The following TENM3 variants were observed in gnomAD, a reference collection of about 807,000 sequenced individuals.
TENM3 encodes teneurin-3.
TENM3 carries 63 observed loss-of-function variants against 255.1 expected under a neutral mutation model. That is an observed-to-expected ratio of 0.25 (90% CI 0.20 to 0.30). The LOEUF (loss-of-function observed/expected upper bound fraction) is 0.30, where lower values mean the gene tolerates loss of function less well. Among genes scored for constraint, TENM3 ranks in the 10% least tolerant of loss-of-function variants. TENM3 has a pLI of 1.00. For missense variants in TENM3, 2,929 were observed against 3,461.1 expected (o/e 0.85, Z 3.86); for synonymous variants, 1,306 against 1,322.3 (o/e 0.99, Z 0.27).
the TENM3 span, among the ~76,000 whole-genome samples, chr4:181,521,592 T>C: frequency 1.3e-5 from 2 of 152,214 alleles, no homozygotes; most frequent in African/African-American, 4.8e-5. Context: ...AAGATTATAT[T>C]GTGTACAACA....
the TENM3 span, among the ~76,000 whole-genome samples, chr4:181,860,148 A>C: frequency 6.6e-6 from 1 of 152,218 alleles, no homozygotes; most frequent in Non-Finnish European, 1.5e-5. Context: ...GGCATGGTAC[A>C]CACTCTATAA....
chr4:182,082,622 G>C, the TENM3 span, among the ~76,000 whole-genome samples: 2,568 of 152,244 alleles, frequency 0.017, 90 homozygotes, highest in African/African-American at 0.058. Context: ...TCTTGCTTTT[G>C]ACCTCAGCTG....
the TENM3 span, among the ~76,000 whole-genome samples, chr4:181,808,457 G>A: frequency 1.3e-5 from 2 of 152,172 alleles, no homozygotes; most frequent in Admixed American, 6.5e-5. Flanking sequence ...TCTAGTAGAA[G>A]CATTCAGGTT....
the TENM3 span, among the ~76,000 whole-genome samples, chr4:181,879,589 C>T: frequency 6.6e-6 from 1 of 152,302 alleles, no homozygotes; most frequent in African/African-American, 2.4e-5. Flanking sequence ...TCTACAGTAA[C>T]ATTTAAATTT....
chr4:181,507,650 T>G, the TENM3 span, among the ~76,000 whole-genome samples: 1 of 152,350 alleles, frequency 6.6e-6, no homozygotes, highest in African/African-American at 2.4e-5. Flanking sequence ...TTCTCACATG[T>G]TGCTTAACAG....
the TENM3 span, among the ~76,000 whole-genome samples, chr4:181,579,006 G>A: frequency 6.6e-6 from 1 of 152,088 alleles, no homozygotes; most frequent in African/African-American, 2.4e-5. Context: ...TCCTGTCAGT[G>A]TGAGACAGCG....
At chr4:182,601,223 A>G in intron 4 of TENM3, 62 bp downstream of exon 4, 4 of 1,292,886 alleles carry the variant, frequency 3.1e-6, no homozygotes, top group Non-Finnish European at 4.5e-6. Flanking sequence ...GCAATTTACT[A>G]TACTTACATA....
chr4:181,927,794 G>A, the TENM3 span, among the ~76,000 whole-genome samples: 2 of 152,296 alleles, frequency 1.3e-5, no homozygotes, highest in East Asian at 3.9e-4. Context: ...CATCTGGCAG[G>A]TGTCCCTCTG....
the TENM3 span, among the ~76,000 whole-genome samples, chr4:181,600,855 CAA>C: frequency 2.0e-5 from 3 of 150,784 alleles, no homozygotes; most frequent in African/African-American, 7.3e-5. Flanking sequence ...AAAAAAAAAA[CAA>C]AGCTTGACTT....
At chr4:181,860,840 G>A in the TENM3 span, among the ~76,000 whole-genome samples, 1 of 152,142 alleles carries the variant, frequency 6.6e-6, no homozygotes, top group African/African-American at 2.4e-5. Context: ...TTGGGCTGCA[G>A]ATCACATTAT....
At chr4:182,657,835 A>G (rs983840779) in intron 6 of TENM3, among the ~76,000 whole-genome samples, 2 of 151,868 alleles carry the variant, frequency 1.3e-5, no homozygotes, top group East Asian at 3.9e-4. Context: ...ATTTTTGTAT[A>G]TTTTGTAGAC....
At chr4:181,843,212 TTC>T in the TENM3 span, among the ~76,000 whole-genome samples, 1 of 152,204 alleles carries the variant, frequency 6.6e-6, no homozygotes, top group Non-Finnish European at 1.5e-5. Flanking sequence ...TCAAACTATA[TTC>T]TCTTTTGAAA....
intron 3 of TENM3, among the ~76,000 whole-genome samples, chr4:182,548,149 C>T (rs1326050235): frequency 6.6e-6 from 1 of 152,044 alleles, no homozygotes; most frequent in Non-Finnish European, 1.5e-5. Context: ...CCTGTGAGCC[C>T]AGGAGGTGGA....
At chr4:181,523,533 A>G in the TENM3 span, among the ~76,000 whole-genome samples, 4 of 152,140 alleles carry the variant, frequency 2.6e-5, no homozygotes, top group Non-Finnish European at 5.9e-5. Flanking sequence ...TTCCGTTGTC[A>G]AGGCTATCTC....
chr4:182,071,079 G>T, the TENM3 span, among the ~76,000 whole-genome samples: 1 of 144,794 alleles, frequency 6.9e-6, no homozygotes, highest in African/African-American at 2.5e-5. Context: ...CAAAGTGTTG[G>T]TCCCTTTTTC....
the TENM3 span, among the ~76,000 whole-genome samples, chr4:181,492,659 G>A: frequency 6.6e-6 from 1 of 151,962 alleles, no homozygotes; most frequent in Non-Finnish European, 1.5e-5. Flanking sequence ...TTCTATCATT[G>A]TTCTACAGAT....
At chr4:182,575,292 A>G (rs1744810689) in intron 3 of TENM3, among the ~76,000 whole-genome samples, 1 of 152,218 alleles carries the variant, frequency 6.6e-6, no homozygotes, top group African/African-American at 2.4e-5. Context: ...AATTGTCTCA[A>G]TGAGATTTTT....
chr4:181,789,332 T>C, the TENM3 span, among the ~76,000 whole-genome samples: 4 of 152,064 alleles, frequency 2.6e-5, no homozygotes, highest in African/African-American at 9.6e-5. Flanking sequence ...CTCGGCTCAC[T>C]GCAACCTCCA....
intron 3 of TENM3, among the ~76,000 whole-genome samples, chr4:182,544,605 A>C (rs1440723017): frequency 6.6e-6 from 1 of 152,010 alleles, no homozygotes; most frequent in Non-Finnish European, 1.5e-5. Context: ...CCCGGCCTGC[A>C]TTGTGGATTT....
Sources: allele counts gnomAD v4.1 joint callset (sites outside exome capture counted in the v4.1 genomes callset), GRCh38; gene constraint gnomAD v4.1.1; transcripts MANE v1.5; gene names NCBI Gene and HGNC (gene_info 2026-07-23, HGNC 2026-07-21).